Variants in TMEM217B observed in about 807,000 individuals in gnomAD.
TMEM217B encodes putative transmembrane protein 217B.
At chr6:37,232,112 GA>G in the TMEM217B span, among the ~76,000 whole-genome samples, 3 of 152,120 alleles carry the variant, frequency 2.0e-5, no homozygotes, top group African/African-American at 7.2e-5. Context: ...GGGGGGGAGA[GA>G]GGGGTGAAAT....
At chr6:37,250,318 A>G in the TMEM217B span, among the ~76,000 whole-genome samples, 1 of 152,214 alleles carries the variant, frequency 6.6e-6, no homozygotes, top group African/African-American at 2.4e-5. Flanking sequence ...AGGTATTGGT[A>G]ATATCCTGTT....
chr6:37,256,977 T>A, the TMEM217B span, among the ~76,000 whole-genome samples: 1 of 152,150 alleles, frequency 6.6e-6, no homozygotes, highest in Non-Finnish European at 1.5e-5. Context: ...GGTGCAAGAT[T>A]TATAATAGAT....
At chr6:37,217,716 AC>A in the TMEM217B span, 3 of 985,246 alleles carry the variant, frequency 3.0e-6, no homozygotes, top group African/African-American at 5.2e-5. Context: ...CATAGCACAA[AC>A]CCACCCCAGG....
At chr6:37,238,056 T>C in the TMEM217B span, among the ~76,000 whole-genome samples, 1 of 151,910 alleles carries the variant, frequency 6.6e-6, no homozygotes, top group African/African-American at 2.4e-5. Flanking sequence ...CAATAACTAA[T>C]ATTTAAAAAG....
At chr6:37,234,207 C>T in the TMEM217B span, among the ~76,000 whole-genome samples, 31 of 150,172 alleles carry the variant, frequency 2.1e-4, no homozygotes, top group East Asian at 5.5e-3. Context: ...TTGAATGATT[C>T]TCCTGCCTCA....
At chr6:37,245,747 TGGA>T in the TMEM217B span, among the ~76,000 whole-genome samples, 3 of 151,310 alleles carry the variant, frequency 2.0e-5, no homozygotes, top group Non-Finnish European at 4.4e-5. Flanking sequence ...GAGGAGGAGA[TGGA>T]GGAGGAGATC....
the TMEM217B span, chr6:37,212,705 A>T: frequency 1.6e-6 from 1 of 639,406 alleles, no homozygotes; most frequent in Non-Finnish European, 2.9e-6. Context: ...CACATGGCAT[A>T]GATCAGCAGC....
At chr6:37,214,377 G>T in the TMEM217B span, among the ~76,000 whole-genome samples, 1 of 152,040 alleles carries the variant, frequency 6.6e-6, no homozygotes, top group African/African-American at 2.4e-5. Flanking sequence ...ACAAGCGTGC[G>T]CCAGCATGCC....
the TMEM217B span, among the ~76,000 whole-genome samples, chr6:37,226,532 C>T: frequency 6.9e-4 from 104 of 151,312 alleles, no homozygotes; most frequent in Admixed American, 1.8e-3. Context: ...CTCCTGACCT[C>T]GTGATCCGCC....
chr6:37,218,868 T>A, the TMEM217B span: 2 of 1,614,068 alleles, frequency 1.2e-6, no homozygotes, highest in Non-Finnish European at 1.7e-6. Flanking sequence ...TTATTTATGA[T>A]GTTACTTGCA....
the TMEM217B span, among the ~76,000 whole-genome samples, chr6:37,230,401 A>AT: frequency 6.6e-6 from 1 of 152,324 alleles, no homozygotes; most frequent in East Asian, 1.9e-4. Flanking sequence ...GTCACCAGGG[A>AT]TTTCAATTCT....
the TMEM217B span, among the ~76,000 whole-genome samples, chr6:37,214,654 C>G: frequency 6.6e-6 from 1 of 152,346 alleles, no homozygotes; most frequent in Non-Finnish European, 1.5e-5. Context: ...TTTGCCTGCT[C>G]TAGGTGTCTC....
the TMEM217B span, chr6:37,218,047 C>T: frequency 1.0e-6 from 1 of 1,000,252 alleles, no homozygotes; most frequent in Non-Finnish European, 1.2e-6. Flanking sequence ...ACTTGCAGAA[C>T]TGCTAAGCAA....
At chr6:37,256,970 G>T in the TMEM217B span, among the ~76,000 whole-genome samples, 1 of 152,206 alleles carries the variant, frequency 6.6e-6, no homozygotes, top group South Asian at 2.1e-4. Context: ...ATTCAAGGGT[G>T]CAAGATTTAT....
At chr6:37,220,228 A>G in the TMEM217B span, among the ~76,000 whole-genome samples, 11 of 152,210 alleles carry the variant, frequency 7.2e-5, no homozygotes, top group Non-Finnish European at 8.8e-5. Context: ...TTAAAAATAT[A>G]AAGTATAGAA....
the TMEM217B span, among the ~76,000 whole-genome samples, chr6:37,214,752 T>C: frequency 6.6e-6 from 1 of 152,240 alleles, no homozygotes; most frequent in Non-Finnish European, 1.5e-5. Flanking sequence ...AATATTCTTA[T>C]ACTTTATTCT....
chr6:37,218,818 C>T, the TMEM217B span: 4 of 1,614,172 alleles, frequency 2.5e-6, no homozygotes, highest in East Asian at 2.2e-5. Context: ...TGATGAAAGA[C>T]AGGAAGAGGA....
the TMEM217B span, among the ~76,000 whole-genome samples, chr6:37,248,216 CA>C: frequency 2.6e-5 from 4 of 152,044 alleles, no homozygotes; most frequent in African/African-American, 9.7e-5. Context: ...ACTTACTAAC[CA>C]GACTCCTCTA....
chr6:37,253,342 G>T, the TMEM217B span, among the ~76,000 whole-genome samples: 1 of 152,060 alleles, frequency 6.6e-6, no homozygotes, highest in Non-Finnish European at 1.5e-5. Context: ...CTTTCTTCTT[G>T]CCAGGTATGG....
Sources: allele counts gnomAD v4.1 joint callset (sites outside exome capture counted in the v4.1 genomes callset), GRCh38; gene constraint gnomAD v4.1.1; transcripts MANE v1.5; gene names NCBI Gene and HGNC (gene_info 2026-07-23, HGNC 2026-07-21).